Variants in MYOZ2 observed in about 807,000 individuals in gnomAD.
MYOZ2 encodes myozenin 2.
Under a neutral mutation model 25.4 loss-of-function variants are expected in MYOZ2, and 19 were observed. The ratio of observed to expected loss-of-function variants is 0.75; its 90% CI spans 0.52 to 1.10. The LOEUF is 1.10. MYOZ2 is among the 50% of genes least tolerant of loss of function. The pLI, the probability that MYOZ2 is intolerant of heterozygous loss-of-function variation, is 0.00. For synonymous variants in MYOZ2, 92 were observed against 106.9 expected (o/e 0.86, Z 0.86); for missense variants, 270 against 317.9 (o/e 0.85, Z 1.15).
At chr4:119,184,871 A>G (rs1742259413) in intron 5 of MYOZ2, among the ~76,000 whole-genome samples, 1 of 152,228 alleles carries the variant, frequency 6.6e-6, no homozygotes, top group South Asian at 2.1e-4. Context: ...GATAACCCAA[A>G]CAGATAATCC....
At chr4:119,179,462 T>A (rs1277402223) in intron 5 of MYOZ2, among the ~76,000 whole-genome samples, 2 of 152,224 alleles carry the variant, frequency 1.3e-5, no homozygotes, top group African/African-American at 4.8e-5. Context: ...GAACAAACTC[T>A]CATCTACTCA....
At chr4:119,142,897 A>C (rs1231498238) in intron 2 of MYOZ2, among the ~76,000 whole-genome samples, 2 of 152,104 alleles carry the variant, frequency 1.3e-5, no homozygotes, top group African/African-American at 4.8e-5. Flanking sequence ...AATATTGATA[A>C]CTGTTGCACT....
intron 5 of MYOZ2, among the ~76,000 whole-genome samples, chr4:119,169,643 C>T (rs1741906248): frequency 6.6e-6 from 1 of 152,214 alleles, no homozygotes; most frequent in Non-Finnish European, 1.5e-5. Context: ...ATCAGCAGCA[C>T]TAAAAGGCTA....
At chr4:119,167,642 G>C (rs1419563410) in intron 5 of MYOZ2, among the ~76,000 whole-genome samples, 1 of 152,180 alleles carries the variant, frequency 6.6e-6, no homozygotes, top group Non-Finnish European at 1.5e-5. Context: ...GTCAATGCTT[G>C]GCTTTGAAGC....
At position 119,140,123 on chromosome 4, in the gene MYOZ2, C is replaced by T. The variant is rs180843904; in HGVS notation, c.76+3522C>T. 3.0e-3 allele frequency among the ~76,000 whole-genome samples: 464 copies of T among 152,282 alleles called. 1 individual carries two copies. The highest frequency in any genetic ancestry group is 5.6e-3 in the Non-Finnish European group (380 of 68,012). Reference sequence around the variant, plus strand: ...TGCTGATACATCTAATTATAAAATTCCATGATTCTAATTTACTGAGCTATG... The same window carrying T: ...TGCTGATACATCTAATTATAAAATTTCATGATTCTAATTTACTGAGCTATG... On this transcript the variant is annotated intron_variant, in intron 2 of 5. Transcript: ENST00000307128.
At chr4:119,152,774 G>A (rs1281987119) in intron 3 of MYOZ2, among the ~76,000 whole-genome samples, 1 of 152,020 alleles carries the variant, frequency 6.6e-6, no homozygotes, top group African/African-American at 2.4e-5. Context: ...AATAATATAT[G>A]CAATAAAGTC....
At chr4:119,167,044 A>C (rs1741839397) in intron 5 of MYOZ2, among the ~76,000 whole-genome samples, 1 of 152,194 alleles carries the variant, frequency 6.6e-6, no homozygotes, top group Admixed American at 6.5e-5. Flanking sequence ...TGAAAGGAAG[A>C]GTCACAAGTC....
At chr4:119,182,970 G>A (rs866017661) in intron 5 of MYOZ2, among the ~76,000 whole-genome samples, 29 of 152,244 alleles carry the variant, frequency 1.9e-4, no homozygotes, top group African/African-American at 5.8e-4. Context: ...ACATATTTAT[G>A]TTTTAATTAA....
At chr4:119,175,436 C>T (rs918507541) in intron 5 of MYOZ2, among the ~76,000 whole-genome samples, 3 of 152,114 alleles carry the variant, frequency 2.0e-5, no homozygotes, top group Non-Finnish European at 4.4e-5. Flanking sequence ...CAATTGTAAT[C>T]TATTGCATCT....
chr4:119,167,191 A>G (rs1741842175), intron 5 of MYOZ2, among the ~76,000 whole-genome samples: 1 of 152,248 alleles, frequency 6.6e-6, no homozygotes, highest in Non-Finnish European at 1.5e-5. Flanking sequence ...GAAGAAAATG[A>G]TAAGTGCTAC....
chr4:119,180,503 G>C (rs937848644), intron 5 of MYOZ2, among the ~76,000 whole-genome samples: 1 of 152,082 alleles, frequency 6.6e-6, no homozygotes, highest in African/African-American at 2.4e-5. Flanking sequence ...TTTTAAACTA[G>C]ATAAATATTC....
intron 3 of MYOZ2, among the ~76,000 whole-genome samples, chr4:119,151,791 C>T (rs1741457161): frequency 6.6e-6 from 1 of 152,046 alleles, no homozygotes; most frequent in African/African-American, 2.4e-5. Flanking sequence ...TTGAAAAGAT[C>T]ATGATGACTT....
chr4:119,166,509 C>CA lies in MYOZ2; in HGVS notation c.560+2129dup, dbSNP rs34894750. ...GGGCAATGGGAGAGAGACCCTGTCT[C>CA]AAAAAAAAAAAAAAGTATATGCACA... On this transcript the variant is annotated intron_variant, in intron 5 of 5. Coordinates refer to ENST00000307128, the MANE Select transcript of MYOZ2 (RefSeq NM_016599.5). Among the ~76,000 whole-genome samples the CA allele has an allele frequency of 1.0e-3, 136 of 136,314 alleles. 1 individual carries two copies. Among genetic ancestry groups the CA allele is most frequent in the Admixed American group, 2.7e-3 (38 of 13,844 alleles). 89.4% of individuals were successfully genotyped at this position (136,314 alleles called of 152,430 possible).
At chr4:119,177,886 A>C (rs1742111624) in intron 5 of MYOZ2, among the ~76,000 whole-genome samples, 1 of 152,192 alleles carries the variant, frequency 6.6e-6, no homozygotes, top group Non-Finnish European at 1.5e-5. Flanking sequence ...TAATAAAAAT[A>C]TCTTTTCCCC....
chr4:119,170,992 G>A (rs1741935360), intron 5 of MYOZ2, among the ~76,000 whole-genome samples: 1 of 152,198 alleles, frequency 6.6e-6, no homozygotes, highest in African/African-American at 2.4e-5. Context: ...TGATGGGAGA[G>A]AGTGGATTAA....
At chr4:119,155,013 C>A (rs1741541766) in intron 3 of MYOZ2, among the ~76,000 whole-genome samples, 1 of 151,966 alleles carries the variant, frequency 6.6e-6, no homozygotes, top group Admixed American at 6.6e-5. Flanking sequence ...GGCATCAGCA[C>A]CTGCTTCTGG....
chr4:119,181,330 T>C (rs1362042003), intron 5 of MYOZ2, among the ~76,000 whole-genome samples: 3 of 152,212 alleles, frequency 2.0e-5, no homozygotes, highest in Non-Finnish European at 4.4e-5. Flanking sequence ...TATCTTTGGT[T>C]CATGATTGTG....
chr4:119,167,782 G>C (rs1376065735), intron 5 of MYOZ2, among the ~76,000 whole-genome samples: 4 of 152,182 alleles, frequency 2.6e-5, no homozygotes. Context: ...ATCTCTGTCT[G>C]TGCTTTATAA....
chr4:119,152,703 C>A, intron 3 of MYOZ2, among the ~76,000 whole-genome samples: 1 of 151,924 alleles, frequency 6.6e-6, no homozygotes, highest in African/African-American at 2.4e-5. Flanking sequence ...AAAATGACCC[C>A]AAACAGGTTT....
Sources: gnomAD v4.1 joint callset for allele counts (sites outside exome capture counted in the v4.1 genomes callset) on GRCh38, gnomAD v4.1.1 for gene constraint, MANE v1.5 for transcripts, NCBI Gene and HGNC (gene_info 2026-07-23, HGNC 2026-07-21) for gene names.